CNTN5: variants seen among roughly 807,000 people sequenced by gnomAD.
The protein encoded by CNTN5 is contactin-5.
CNTN5 carries 77 observed loss-of-function variants against 129.1 expected under a neutral mutation model. The observed-to-expected ratio is 0.60, with a 90% CI of 0.50 to 0.72. CNTN5 has a LOEUF of 0.72. Among genes scored for constraint, CNTN5 ranks in the 30% least tolerant of loss-of-function variants. CNTN5 has a pLI of 0.00. For synonymous variants in CNTN5, 509 were observed against 465.6 expected (o/e 1.09, Z -1.20); for missense variants, 1,478 against 1,328.8 (o/e 1.11, Z -1.75).
intron 4 of CNTN5, among the ~76,000 whole-genome samples, chr11:99,825,234 G>T (rs181758276): frequency 1.3e-5 from 2 of 152,016 alleles, no homozygotes; most frequent in East Asian, 3.9e-4. Flanking sequence ...CTTTTCCCTT[G>T]CTTTACATTA....
At position 100,123,621 on chromosome 11, in the gene CNTN5, T is replaced by C. The variant is rs964409466; in HGVS notation, c.1580+49327T>C. On this transcript the variant is annotated intron_variant, in intron 13 of 24. Coordinates refer to ENST00000524871, the MANE Select transcript of CNTN5 (RefSeq NM_014361.4). ...AGGAAAATGAAGACAGTTTTTGTAGTCTAACCAAGAATCAAAACAAATTCT... is the reference window on the plus strand; with the variant it reads ...AGGAAAATGAAGACAGTTTTTGTAGCCTAACCAAGAATCAAAACAAATTCT... 2.0e-5 allele frequency among the ~76,000 whole-genome samples: 3 copies of C among 152,016 alleles called. No homozygotes were observed. In the South Asian group the frequency reaches 6.2e-4, roughly 31 times the overall value.
chr11:100,132,901 T>C (rs1356328376), intron 13 of CNTN5, among the ~76,000 whole-genome samples: 1 of 152,166 alleles, frequency 6.6e-6, no homozygotes, highest in Non-Finnish European at 1.5e-5. Flanking sequence ...ACTAGTGTTT[T>C]TGAATTATGA....
At chr11:100,028,286 G>GA (rs1333390097) in intron 9 of CNTN5, among the ~76,000 whole-genome samples, 1 of 152,004 alleles carries the variant, frequency 6.6e-6, no homozygotes, top group Non-Finnish European at 1.5e-5. Flanking sequence ...AGTGACAAGA[G>GA]AAAAATAAAG....
In CNTN5 at chr11:100,040,920, C is replaced by A. The variant is rs922196607; in HGVS notation, c.981-20292C>A. On this transcript the variant is annotated intron_variant, in intron 9 of 24. Coordinates refer to ENST00000524871, the MANE Select transcript of CNTN5 (RefSeq NM_014361.4). ...AAAGGGAATTCCCTGACCCCTTGTG[C>A]TTCCCGAGTGAGGTGATTCCTCGCC... 7.1e-4 allele frequency among the ~76,000 whole-genome samples: 108 copies of A among 152,320 alleles called. 1 individual carries two copies. The highest frequency in any genetic ancestry group is 2.5e-3 in the African/African-American group (106 of 41,570).
At chr11:99,577,866 T>G (rs993255336) in intron 3 of CNTN5, among the ~76,000 whole-genome samples, 3 of 151,784 alleles carry the variant, frequency 2.0e-5, no homozygotes, top group Non-Finnish European at 4.4e-5. Flanking sequence ...TTAGGGTACA[T>G]GTGCACAACG....
chr11:100,091,387 C>T (rs763625991), intron 13 of CNTN5, among the ~76,000 whole-genome samples: 61 of 150,560 alleles, frequency 4.1e-4, no homozygotes, highest in Non-Finnish European at 6.6e-4. Context: ...ACTCATCACA[C>T]TCTGCAATGT....
At chr11:100,285,892 GGTGCGCGCACC>G (rs1201572296) in intron 18 of CNTN5, among the ~76,000 whole-genome samples, 2 of 152,306 alleles carry the variant, frequency 1.3e-5, no homozygotes, top group South Asian at 4.1e-4. Context: ...CAGGTCAGTG[GGTGCGCGCACC>G]GTGCGCGAGC....
chr11:100,127,077 C>T (rs1317602645), intron 13 of CNTN5, among the ~76,000 whole-genome samples: 1 of 149,592 alleles, frequency 6.7e-6, no homozygotes, highest in East Asian at 2.0e-4. Context: ...TACAGGTGCA[C>T]ACCACCATGC....
At chr11:99,615,757 G>GT (rs556850074) in intron 3 of CNTN5, among the ~76,000 whole-genome samples, 24,696 of 145,300 alleles carry the variant, frequency 0.17, 2,190 homozygotes, top group Non-Finnish European at 0.21. Flanking sequence ...TACACATCTT[G>GT]TTTTTTTTTT....
chr11:99,866,443 G>A (rs1205879171), intron 6 of CNTN5, among the ~76,000 whole-genome samples: 1 of 152,074 alleles, frequency 6.6e-6, no homozygotes, highest in Non-Finnish European at 1.5e-5. Flanking sequence ...CTGCAAGAAA[G>A]CCATTTTTAT....
chr11:99,780,326 A>T (rs935438054), intron 3 of CNTN5, among the ~76,000 whole-genome samples: 3 of 152,146 alleles, frequency 2.0e-5, no homozygotes, highest in Admixed American at 6.6e-5. Context: ...AGAGGAGAAT[A>T]TGGCTAATAC....
chr11:100,352,003 T>A (rs535797404), intron 24 of CNTN5, among the ~76,000 whole-genome samples: 1 of 151,696 alleles, frequency 6.6e-6, no homozygotes, highest in Non-Finnish European at 1.5e-5. Context: ...ACTGACATAA[T>A]ACTTGATAAT....
chr11:99,417,710 C>G (rs1942720448), intron 2 of CNTN5, among the ~76,000 whole-genome samples: 1 of 152,004 alleles, frequency 6.6e-6, no homozygotes, highest in Non-Finnish European at 1.5e-5. Context: ...CATTTCCATT[C>G]TTTTGTAAAT....
At chr11:99,463,443 GAAAAAA>G (rs66933434) in intron 2 of CNTN5, among the ~76,000 whole-genome samples, 1 of 126,892 alleles carries the variant, frequency 7.9e-6, no homozygotes, top group Non-Finnish European at 1.6e-5. Context: ...GTCTCAAAAA[GAAAAAA>G]AAAAAAAAAA....
intron 3 of CNTN5, among the ~76,000 whole-genome samples, chr11:99,595,951 A>C (rs2135683069): frequency 6.6e-6 from 1 of 152,184 alleles, no homozygotes; most frequent in South Asian, 2.1e-4. Flanking sequence ...GGAACTTGTT[A>C]GACATGCAGA....
rs1460729945 is a variant in CNTN5 at position 100,183,027 on chromosome 11, A to C, written c.1581-8099A>C. Among the ~76,000 whole-genome samples the C allele has an allele frequency of 4.6e-5, 7 of 152,172 alleles. No individual in the cohort carries two copies. The East Asian group carries it at 1.2e-3, about 25-fold the overall frequency. On this transcript the variant is annotated intron_variant, in intron 13 of 24. Coordinates refer to ENST00000524871, the MANE Select transcript of CNTN5 (RefSeq NM_014361.4). ...AAATGAACATATGAAAAATTGCTCAAGATCATTAGGGAAATGCAACTTAAA... is the reference window on the plus strand; with the variant it reads ...AAATGAACATATGAAAAATTGCTCACGATCATTAGGGAAATGCAACTTAAA...
At chr11:99,891,487 CACCCCCCA>C (rs961642852) in intron 6 of CNTN5, among the ~76,000 whole-genome samples, 1 of 152,008 alleles carries the variant, frequency 6.6e-6, no homozygotes, top group African/African-American at 2.4e-5. Flanking sequence ...CCTAGGCCCC[CACCCCCCA>C]ACAGGCCCAG....
chr11:99,496,063 T>C (rs1289745250), intron 2 of CNTN5, among the ~76,000 whole-genome samples: 2 of 152,196 alleles, frequency 1.3e-5, no homozygotes, highest in African/African-American at 2.4e-5. Context: ...CAAGTGTAAA[T>C]GTTTTGTGAA....
chr11:99,104,342 C>T (rs901125258), intron 1 of CNTN5, among the ~76,000 whole-genome samples: 2 of 151,838 alleles, frequency 1.3e-5, no homozygotes, highest in South Asian at 2.1e-4. Flanking sequence ...GCAGTATTCC[C>T]GTCATCTACC....
Sources: allele counts gnomAD v4.1 joint callset (sites outside exome capture counted in the v4.1 genomes callset), GRCh38; gene constraint gnomAD v4.1.1; transcripts MANE v1.5; gene names NCBI Gene and HGNC (gene_info 2026-07-23, HGNC 2026-07-21).